The following CENPF variants were observed in gnomAD, a reference collection of about 807,000 sequenced individuals.
The protein encoded by CENPF is centromere protein F, also known as AH antigen.
CENPF carries 214 observed loss-of-function variants against 307.3 expected under a neutral mutation model. That is an observed-to-expected ratio of 0.70 (90% CI 0.62 to 0.78). The LOEUF is 0.78. CENPF is among the 30% of genes least tolerant of loss of function. The probability of loss-of-function intolerance (pLI) is 0.00; values close to 1 mark genes in which losing one functional copy is unlikely to be tolerated. For missense variants in CENPF, 3,401 were observed against 3,483.9 expected (o/e 0.98, Z 0.60); for synonymous variants, 1,259 against 1,270.6 (o/e 0.99, Z 0.19).
rs1262543455 is a variant in CENPF at position 214,644,772 on chromosome 1, A to C, written c.5202A>C (p.Pro1734=). 6.2e-7 allele frequency: 1 copy of C among 1,613,976 alleles called. No individual in the cohort carries two copies. The highest frequency in any genetic ancestry group is 1.7e-5 in the Admixed American group (1 of 59,992). The part of the protein sequence containing the change: ...EQSPDTNYEP[P]GEDKTQGSSE... ...CCCCAGATACCAATTATGAGCCTCC[A>C]GGGGAAGATAAAACCCAGGGCTCTT... Residue 1734 remains proline, a synonymous_variant, in exon 13 of 20, where the codon CCA becomes CCC. Coordinates refer to ENST00000366955, the MANE Select transcript of CENPF (RefSeq NM_016343.4).
intron 17 of CENPF, 26 bp from the exon 18 acceptor site, chr1:214,656,907 A>G (rs1483444430): frequency 2.1e-6 from 3 of 1,410,932 alleles, no homozygotes; most frequent in South Asian, 1.3e-5. Context: ...CAAGTTGCAC[A>G]TGATGTGTTG....
intron 7 of CENPF, among the ~76,000 whole-genome samples, chr1:214,625,381 C>A (rs541347381): frequency 2.0e-5 from 3 of 151,882 alleles, no homozygotes; most frequent in Non-Finnish European, 2.9e-5. Flanking sequence ...CGACCATGCC[C>A]GGCTAATTTT....
chr1:214,640,896 G>T lies in CENPF; in HGVS notation c.2558G>T (p.Cys853Phe). The T allele has an allele frequency of 1.2e-6, 2 of 1,606,288 alleles. No individual in the cohort carries two copies. The change falls in exon 12 of 20, where the codon TGT becomes TTT. Residue 853 changes from cysteine to phenylalanine, a missense_variant. Physicochemically the swap from Cys to Phe is radical, Grantham distance 205 (BLOSUM62 -2). Coordinates refer to ENST00000366955, the MANE Select transcript of CENPF (RefSeq NM_016343.4). ...KQMNSDLQKQCEELVQIKGEI... is the reference protein window; with the variant it reads ...KQMNSDLQKQFEELVQIKGEI... ...ATGAACTCAGACCTGCAAAAGCAGT[G>T]TGAAGAGTTGGTGCAAATCAAAGGA...
chr1:214,621,303 C>T (rs948242477), intron 6 of CENPF, among the ~76,000 whole-genome samples: 2 of 152,186 alleles, frequency 1.3e-5, no homozygotes, highest in Admixed American at 6.5e-5. Context: ...GTGGTCTGAC[C>T]AGCTTTGGCC....
At chr1:214,658,039 A>G (rs1658688191) in intron 18 of CENPF, among the ~76,000 whole-genome samples, 1 of 152,230 alleles carries the variant, frequency 6.6e-6, no homozygotes, top group African/African-American at 2.4e-5. Context: ...TCCACAGCAC[A>G]TTGGAAATTC....
At chr1:214,650,462 G>A (rs373422250) in intron 14 of CENPF, among the ~76,000 whole-genome samples, 16 of 152,172 alleles carry the variant, frequency 1.1e-4, no homozygotes, top group African/African-American at 2.9e-4. Context: ...AAGAGAAGGC[G>A]GCTCAGGGCC....
At position 214,657,395 on chromosome 1, in the gene CENPF, A is replaced by G. The variant is rs1658669628; in HGVS notation, c.8948A>G (p.Glu2983Gly). 1 of 1,604,908 alleles carries G rather than the reference A, an allele frequency of 6.2e-7. No homozygotes were observed. Among genetic ancestry groups the G allele is most frequent in the African/African-American group, 1.3e-5 (1 of 74,780 alleles). Reference protein sequence around the residue: ...GTEFEPEGLPEVVKKGFADIP... With the variant: ...GTEFEPEGLPGVVKKGFADIP... ...GAGTTTGAGCCAGAGGGACTTCCAGAAGTTGTAAAGAAAGGTATGCCTAAT... is the reference window on the plus strand; with the variant it reads ...GAGTTTGAGCCAGAGGGACTTCCAGGAGTTGTAAAGAAAGGTATGCCTAAT... Residue 2983 changes from glutamate to glycine, a missense_variant, in exon 18 of 20, where the codon GAA (glutamate) becomes GGA (glycine). Transcript: ENST00000366955.
At chr1:214,614,009 T>C in intron 2 of CENPF, 93 bp downstream of exon 2, 2 of 1,199,860 alleles carry the variant, frequency 1.7e-6, no homozygotes, top group Non-Finnish European at 2.3e-6. Context: ...TTGGATTAAT[T>C]ATTTCATCTT....
intron 5 of CENPF, among the ~76,000 whole-genome samples, chr1:214,620,174 T>C (rs1657466892): frequency 1.3e-5 from 2 of 152,224 alleles, no homozygotes; most frequent in Admixed American, 1.3e-4. Flanking sequence ...ATGTATATTA[T>C]ATACTATTAA....
At chr1:214,653,650 AT>A (rs1415004412) in intron 16 of CENPF, 2 of 153,826 alleles carry the variant, frequency 1.3e-5, no homozygotes, top group Non-Finnish European at 2.9e-5. Flanking sequence ...TCCAGAAAAT[AT>A]TTTACTTAGA....
In CENPF at chr1:214,603,823, A is replaced by AT. The variant is rs112698986; in HGVS notation, c.-42+513dup. Among the ~76,000 whole-genome samples the AT allele has an allele frequency of 2.1e-3, 291 of 141,530 alleles. 1 individual carries two copies. The highest frequency in any genetic ancestry group is 3.8e-3 in the Middle Eastern group (1 of 264). 92.8% of individuals were successfully genotyped at this position (141,530 alleles called of 152,430 possible). The stretch of plus-strand genomic sequence containing the variant: ...CCCCTCTCTTCTTCCTCCCGTCCAC[A>AT]TTTTTTTTTTTCTTTTTTTAAATAG... On this transcript the variant is annotated intron_variant, in intron 1 of 19. Coordinates refer to ENST00000366955, the MANE Select transcript of CENPF (RefSeq NM_016343.4).
In CENPF at chr1:214,660,254, A is replaced by G. The variant is rs369177136; in HGVS notation, c.9141+1226A>G. ...TATTAAAATTTTTCTTCAAGTATGA[A>G]GAAGAATGCTCTGAGATTTTCTTTC... On this transcript the variant is annotated intron_variant, in intron 19 of 19. Coordinates refer to ENST00000366955, the MANE Select transcript of CENPF (RefSeq NM_016343.4). 1.9e-4 allele frequency among the ~76,000 whole-genome samples: 29 copies of G among 152,302 alleles called. 1 individual carries two copies. In the East Asian group the frequency reaches 5.2e-3, roughly 27 times the overall value.
At chr1:214,608,263 G>T (rs909444899) in intron 1 of CENPF, 20 of 1,521,706 alleles carry the variant, frequency 1.3e-5, no homozygotes, top group Non-Finnish European at 1.5e-5. Flanking sequence ...CCCCCGGCCT[G>T]GTCCCCTCTT....
chr1:214,611,112 A>G (rs1657188644), intron 1 of CENPF, among the ~76,000 whole-genome samples: 1 of 152,158 alleles, frequency 6.6e-6, no homozygotes, highest in East Asian at 1.9e-4. Flanking sequence ...GTAGGGTAAC[A>G]TGTTGCTGTC....
At position 214,651,561 on chromosome 1, in the gene CENPF, A is replaced by G. The variant is rs140611916; in HGVS notation, c.7984-149A>G. ...TGAAGTCACAATTAAAAGTGAATAC[A>G]TTGCTAAGGATTATAGCACTATTCT... On this transcript the variant is annotated intron_variant, in intron 14 of 19. Coordinates refer to ENST00000366955, the MANE Select transcript of CENPF (RefSeq NM_016343.4). 2.0e-4 allele frequency: 102 copies of G among 501,764 alleles called. 1 individual carries two copies. The highest frequency in any genetic ancestry group is 1.6e-3 in the African/African-American group (80 of 50,546). The allele number at this position is 501,764 out of a possible 1,614,324, so 31.1% of individuals were successfully genotyped here.
chr1:214,628,158 T>C (rs1481719229), intron 7 of CENPF, among the ~76,000 whole-genome samples: 1 of 152,234 alleles, frequency 6.6e-6, no homozygotes, highest in East Asian at 1.9e-4. Flanking sequence ...TCATGACACC[T>C]AGTGGTCATA....
At chr1:214,633,777 CA>C (rs1657875459) in intron 10 of CENPF, among the ~76,000 whole-genome samples, 1 of 152,210 alleles carries the variant, frequency 6.6e-6, no homozygotes, top group African/African-American at 2.4e-5. Context: ...GTTTCATCAG[CA>C]AACGTTTTCA....
Position 214,646,657 on chromosome 1 carries a change from A to G in CENPF, c.7087A>G (p.Lys2363Glu). The G allele has an allele frequency of 6.2e-7, 1 of 1,614,040 alleles. No homozygotes were observed. Among genetic ancestry groups the G allele is most frequent in the Non-Finnish European group, 8.5e-7 (1 of 1,179,992 alleles). The change falls in exon 13 of 20, where the codon AAA (lysine) becomes GAA (glutamate). Residue 2363 changes from lysine (K) to glutamate (E), a missense_variant. Coordinates refer to ENST00000366955, the MANE Select transcript of CENPF (RefSeq NM_016343.4). The part of the protein sequence containing the change: ...EHAALEAENS[K>E]GEVETLKAKI... Reference sequence around the variant, plus strand: ...TGCAGCTCTTGAGGCAGAGAATTCCAAAGGAGAGGTAGAGACCCTAAAAGC... The same window carrying G: ...TGCAGCTCTTGAGGCAGAGAATTCCGAAGGAGAGGTAGAGACCCTAAAAGC...
At chr1:214,627,369 C>CTT (rs10686407) in intron 7 of CENPF, among the ~76,000 whole-genome samples, 9,006 of 83,932 alleles carry the variant, frequency 0.11, 1,293 homozygotes, top group African/African-American at 0.26. Flanking sequence ...CCCTCAGGCT[C>CTT]TTTTTTTTTT....
Sources: gnomAD v4.1 joint callset for allele counts (sites outside exome capture counted in the v4.1 genomes callset) on GRCh38, gnomAD v4.1.1 for gene constraint, MANE v1.5 for transcripts, NCBI Gene and HGNC (gene_info 2026-07-23, HGNC 2026-07-21) for gene names.